Variants in NAV2 observed in about 807,000 individuals in gnomAD.
NAV2 encodes the protein neuron navigator 2, also known as helicase, APC down-regulated 1.
A neutral mutation model predicts 223.2 loss-of-function variants in NAV2; 54 were observed. That is an observed-to-expected ratio of 0.24 (90% CI 0.19 to 0.30). The LOEUF (loss-of-function observed/expected upper bound fraction) is 0.30. Among genes scored for constraint, NAV2 ranks in the 10% least tolerant of loss-of-function variants. The probability of loss-of-function intolerance (pLI) is 1.00; values close to 1 mark genes in which losing one functional copy is unlikely to be tolerated. For synonymous variants in NAV2, 1,279 were observed against 1,239.3 expected, an observed-to-expected ratio of 1.03 and a Z score of -0.67; for missense variants, 2,806 against 3,147.5, an observed-to-expected ratio of 0.89 and a Z score of 2.60.
chr11:19,556,592 A>G (rs1195199765), intron 1 of NAV2, among the ~76,000 whole-genome samples: 1 of 152,242 alleles, frequency 6.6e-6, no homozygotes, highest in Non-Finnish European at 1.5e-5. Flanking sequence ...AAGAAAACCA[A>G]TAATATTGAA....
At chr11:20,043,443 T>C (rs1275735569) in intron 12 of NAV2, among the ~76,000 whole-genome samples, 1 of 152,146 alleles carries the variant, frequency 6.6e-6, no homozygotes, top group Non-Finnish European at 1.5e-5. Flanking sequence ...CTCCTTTCTT[T>C]TGCTTTTCTT....
chr11:19,534,209 G>A (rs1311379141), intron 1 of NAV2, among the ~76,000 whole-genome samples: 1 of 152,094 alleles, frequency 6.6e-6, no homozygotes, highest in Non-Finnish European at 1.5e-5. Context: ...GCCAACCCCT[G>A]GTAGCATCGT....
At chr11:19,357,909 T>C (rs1853710757) in intron 1 of NAV2, among the ~76,000 whole-genome samples, 1 of 152,238 alleles carries the variant, frequency 6.6e-6, no homozygotes, top group Non-Finnish European at 1.5e-5. Context: ...GCATTTTTAC[T>C]TGAAATTTTT....
At chr11:20,038,787 G>A (rs1027068593) in intron 12 of NAV2, among the ~76,000 whole-genome samples, 1 of 152,194 alleles carries the variant, frequency 6.6e-6, no homozygotes. Flanking sequence ...AAAGCAAATT[G>A]AGGACAGGTT....
intron 19 of NAV2, chr11:20,056,728 A>G (rs2058386881): frequency 1.3e-6 from 1 of 778,946 alleles, no homozygotes; most frequent in Non-Finnish European, 2.2e-6. Flanking sequence ...CAATGATAAG[A>G]ATAGGAGTCA....
rs114397716 is a variant in NAV2 at position 19,722,462 on chromosome 11, C to A, written c.267+8500C>A. ...CCCACACAAAATCAGTTTAGTGTTACCTCCTCCAGGAAGCCTTCTGCCACC... is the reference window on the plus strand; with the variant it reads ...CCCACACAAAATCAGTTTAGTGTTAACTCCTCCAGGAAGCCTTCTGCCACC... On this transcript the variant is annotated intron_variant, in intron 1 of 37. Transcript: ENST00000349880. 3.8e-3 allele frequency among the ~76,000 whole-genome samples: 579 copies of A among 152,254 alleles called. 3 individuals carry two copies. The highest frequency in any genetic ancestry group is 0.013 in the African/African-American group (546 of 41,538).
In NAV2 at chr11:20,045,479, C is replaced by G. The variant is rs1420011793; in HGVS notation, c.3711C>G (p.Ala1237=). The stretch of plus-strand genomic sequence containing the variant: ...AACTGAGGGAGCCTTCCAAAACAGC[C>G]CTAGGCAGCTCTCTACCAGGTCTGG... ...VPKLREPSKT[A]LGSSLPGLVN... is the part of the protein sequence containing the mutation. Residue 1237 remains alanine, a synonymous_variant, in exon 14 of 38, where the codon GCC becomes GCG. Transcript: ENST00000349880. 1 of 1,614,130 alleles carries G rather than the reference C, an allele frequency of 6.2e-7. No individual in the cohort carries two copies. The highest frequency in any genetic ancestry group is 1.7e-5 in the Admixed American group (1 of 60,018).
intron 1 of NAV2, among the ~76,000 whole-genome samples, chr11:19,494,763 C>T (rs2042739629): frequency 6.6e-6 from 1 of 152,192 alleles, no homozygotes; most frequent in African/African-American, 2.4e-5. Context: ...AACACTTGCC[C>T]TGCATAGCCT....
intron 1 of NAV2, among the ~76,000 whole-genome samples, chr11:19,481,747 C>T (rs1325482122): frequency 6.6e-6 from 1 of 152,160 alleles, no homozygotes; most frequent in Non-Finnish European, 1.5e-5. Flanking sequence ...CCTTGAGATA[C>T]ACAAAAAATA....
At chr11:19,813,476 TGTAAGCACC>T (rs1490183480) in intron 1 of NAV2, among the ~76,000 whole-genome samples, 1 of 152,012 alleles carries the variant, frequency 6.6e-6, no homozygotes. Context: ...GTCATGAAAA[TGTAAGCACC>T]GAGAGTTGGA....
intron 10 of NAV2, among the ~76,000 whole-genome samples, chr11:19,966,645 C>A (rs2048796721): frequency 6.6e-6 from 1 of 152,168 alleles, no homozygotes; most frequent in South Asian, 2.1e-4. Context: ...ATAAACTCCT[C>A]CCCATCAATT....
At chr11:19,928,015 C>G (rs1032210781) in intron 6 of NAV2, among the ~76,000 whole-genome samples, 4 of 152,178 alleles carry the variant, frequency 2.6e-5, no homozygotes, top group African/African-American at 7.2e-5. Flanking sequence ...GCTCTAAAAA[C>G]TAACCATTTC....
intron 1 of NAV2, among the ~76,000 whole-genome samples, chr11:19,513,873 CA>C (rs1259424360): frequency 1.3e-5 from 2 of 152,114 alleles, no homozygotes; most frequent in African/African-American, 2.4e-5. Flanking sequence ...CAGCTGTACA[CA>C]AAGGATGCCA....
chr11:19,856,827 T>C (rs912701054), intron 3 of NAV2, among the ~76,000 whole-genome samples: 2 of 152,240 alleles, frequency 1.3e-5, no homozygotes, highest in Non-Finnish European at 2.9e-5. Flanking sequence ...AGGTATTTGC[T>C]TGGCTTTGTT....
At chr11:19,346,177 C>T (rs1852995241), upstream of NAV2, among the ~76,000 whole-genome samples, 1 of 152,150 alleles carries the variant, frequency 6.6e-6, no homozygotes, top group Non-Finnish European at 1.5e-5. Context: ...CGTGCTTCCT[C>T]GTCTGTGATC....
At chr11:19,422,148 C>A (rs930708768) in intron 1 of NAV2, among the ~76,000 whole-genome samples, 1 of 152,216 alleles carries the variant, frequency 6.6e-6, no homozygotes, top group African/African-American at 2.4e-5. Context: ...AGACTCACTG[C>A]TCCTAGCCCA....
intron 10 of NAV2, among the ~76,000 whole-genome samples, chr11:19,952,708 AT>A (rs2047496753): frequency 6.6e-6 from 1 of 152,146 alleles, no homozygotes; most frequent in African/African-American, 2.4e-5. Flanking sequence ...CATAACAGCT[AT>A]TTTTTGATGC....
intron 1 of NAV2, among the ~76,000 whole-genome samples, chr11:19,807,220 C>T (rs1366012087): frequency 2.0e-5 from 3 of 152,208 alleles, no homozygotes; most frequent in East Asian, 1.9e-4. Context: ...GATAGTTTCA[C>T]ATGACAAATT....
chr11:19,696,204 C>T (rs576143672), intron 1 of NAV2, among the ~76,000 whole-genome samples: 74 of 152,282 alleles, frequency 4.9e-4, no homozygotes, highest in Admixed American at 1.0e-3. Context: ...TTGCCACCAA[C>T]GCCATTGTGC....
Sources: allele counts gnomAD v4.1 joint callset (sites outside exome capture counted in the v4.1 genomes callset), GRCh38; gene constraint gnomAD v4.1.1; transcripts MANE v1.5; gene names NCBI Gene and HGNC (gene_info 2026-07-23, HGNC 2026-07-21).